The following FBN2 variants were observed in gnomAD, a reference collection of about 807,000 sequenced individuals.
FBN2 encodes the protein fibrillin 2, also known as fibrillin-2.
Under a neutral mutation model 355.6 loss-of-function variants are expected in FBN2, and 105 were observed. The observed-to-expected ratio is 0.30, with a 90% CI of 0.25 to 0.35. FBN2 has a LOEUF of 0.35. Ranked by LOEUF, FBN2 falls within the 10% of genes least tolerant of loss-of-function variation. The pLI is 1.00. For synonymous variants in FBN2, 1,350 were observed against 1,301.2 expected (o/e 1.04, Z -0.81); for missense variants, 3,280 against 3,758.7 (o/e 0.87, Z 3.33).
intron 60 of FBN2, among the ~76,000 whole-genome samples, chr5:128,274,271 G>C (rs528131913): frequency 2.0e-4 from 30 of 152,282 alleles, no homozygotes; most frequent in Admixed American, 5.9e-4. Flanking sequence ...CTAAATTACA[G>C]TGAGCCTTTA....
At chr5:128,360,185 C>T (rs1751604162) in intron 19 of FBN2, among the ~76,000 whole-genome samples, 1 of 152,008 alleles carries the variant, frequency 6.6e-6, no homozygotes, top group South Asian at 2.1e-4. Flanking sequence ...CTTTGAAATC[C>T]CTTCTTCCAT....
intron 7 of FBN2, among the ~76,000 whole-genome samples, chr5:128,434,819 CT>C (rs1753733688): frequency 6.6e-6 from 1 of 151,802 alleles, no homozygotes; most frequent in African/African-American, 2.4e-5. Context: ...TTTCAGATAC[CT>C]TTTTCCTCTA....
intron 48 of FBN2, among the ~76,000 whole-genome samples, chr5:128,299,451 C>G (rs1010708901): frequency 1.0e-5 from 1 of 99,678 alleles, no homozygotes; most frequent in African/African-American, 3.1e-5. Context: ...TGATCTCAGA[C>G]TGCTGTGCTA....
intron 5 of FBN2, among the ~76,000 whole-genome samples, chr5:128,466,253 G>A (rs1754707466): frequency 6.6e-6 from 1 of 152,008 alleles, no homozygotes; most frequent in Non-Finnish European, 1.5e-5. Flanking sequence ...TTACACACAG[G>A]GATTATGTCA....
At chr5:128,442,425 C>G (rs1264874032) in intron 7 of FBN2, 1 of 453,366 alleles carries the variant, frequency 2.2e-6, no homozygotes, top group Non-Finnish European at 4.4e-6. Flanking sequence ...GCTGAGCTGT[C>G]TTTTAGTGTA....
intron 11 of FBN2, among the ~76,000 whole-genome samples, chr5:128,383,382 AGAAAAC>A (rs1286983576): frequency 1.3e-5 from 2 of 152,136 alleles, no homozygotes; most frequent in Non-Finnish European, 2.9e-5. Flanking sequence ...CAAAAACTGA[AGAAAAC>A]CCTTGTGACC....
chr5:128,496,741 G>T (rs1380135555), intron 5 of FBN2, among the ~76,000 whole-genome samples: 2 of 151,764 alleles, frequency 1.3e-5, no homozygotes, highest in East Asian at 3.9e-4. Flanking sequence ...CAACACTCAC[G>T]CATTTCATGT....
chr5:128,323,931 G>A (rs1472122960), intron 34 of FBN2, among the ~76,000 whole-genome samples: 1 of 152,090 alleles, frequency 6.6e-6, no homozygotes, highest in Non-Finnish European at 1.5e-5. Flanking sequence ...GACTTATTTT[G>A]TTTGGTAGGC....
intron 36 of FBN2, among the ~76,000 whole-genome samples, chr5:128,315,445 G>T (rs556815839): frequency 3.9e-5 from 6 of 152,108 alleles, no homozygotes; most frequent in African/African-American, 7.2e-5. Context: ...ATTATTTCTG[G>T]TTCTTCTTGT....
intron 6 of FBN2, among the ~76,000 whole-genome samples, chr5:128,451,399 T>A (rs892287561): frequency 1.3e-5 from 2 of 152,160 alleles, no homozygotes; most frequent in African/African-American, 4.8e-5. Flanking sequence ...TTATTGTTAT[T>A]ATTATTTTTT....
Position 128,269,527 on chromosome 5 carries a change from C to T in FBN2, c.7960+2472G>A, listed in dbSNP as rs779657922. On this transcript the variant is annotated intron_variant, in intron 62 of 64. Transcript: ENST00000262464. ...AACTCAAGCTGATAAGCAACTTCAG[C>T]GAAGCCTCAGGATACAAAATCAATG... is the stretch of plus-strand genomic sequence containing the variant. Among the ~76,000 whole-genome samples the T allele has an allele frequency of 6.9e-4, 104 of 150,560 alleles. 1 individual carries two copies. Among genetic ancestry groups the T allele is most frequent in the South Asian group, 2.1e-4 (1 of 4,784 alleles).
intron 5 of FBN2, among the ~76,000 whole-genome samples, chr5:128,508,737 G>C (rs534542917): frequency 1.5e-3 from 230 of 151,926 alleles, no homozygotes; most frequent in African/African-American, 5.4e-3. Flanking sequence ...TTTTTCTTCA[G>C]CCTAAAGAAC....
chr5:128,531,069 G>A (rs1756688120), intron 2 of FBN2, among the ~76,000 whole-genome samples: 3 of 152,098 alleles, frequency 2.0e-5, no homozygotes, highest in South Asian at 2.1e-4. Flanking sequence ...CATGTTAATA[G>A]CAGCACAATT....
chr5:128,272,137 C>G lies in FBN2; in HGVS notation c.7841-19G>C. The G allele has an allele frequency of 6.2e-7, 1 of 1,613,736 alleles. No individual in the cohort carries two copies. The highest frequency in any genetic ancestry group is 8.5e-7 in the Non-Finnish European group (1 of 1,179,808). On this transcript the variant is annotated intron_variant, in intron 61 of 64. Transcript: ENST00000262464. ...TCAACATCTGCAAAAACAAGCCCGG[C>G]AAAACCTTTATGTCACCTTTCTTCT...
In FBN2 at chr5:128,287,292, G is replaced by A. The variant is rs753114519; in HGVS notation, c.6880+16C>T. On this transcript the variant is annotated intron_variant, in intron 54 of 64. Coordinates refer to ENST00000262464, the MANE Select transcript of FBN2 (RefSeq NM_001999.4). The stretch of plus-strand genomic sequence containing the variant: ...GACAAATAAAGTTCGAACTACTCCC[G>A]AGTCTGAGGCCTTACCTTTGCACAT... The A allele has an allele frequency of 1.7e-5, 28 of 1,613,420 alleles. No homozygotes were observed. In the African/African-American group the frequency reaches 2.7e-4, roughly 15 times the overall value.
chr5:128,287,348 C>T lies in FBN2; in HGVS notation c.6840G>A (p.Pro2280=), dbSNP rs377742525. The change falls in exon 54 of 65, where the codon CCG becomes CCA. Residue 2280 remains proline, a synonymous_variant. Coordinates refer to ENST00000262464, the MANE Select transcript of FBN2 (RefSeq NM_001999.4). The part of the protein sequence containing the change: ...NTFGSYECTC[P]IGYALREDQK... ...GATCTTCCCTGAGGGCATAGCCAAT[C>T]GGGCACGTGCATTCATAGGACCCAA... The T allele has an allele frequency of 1.1e-5, 17 of 1,613,836 alleles. No individual in the cohort carries two copies. In the African/African-American group the frequency reaches 1.3e-4, roughly 13 times the overall value.
intron 6 of FBN2, among the ~76,000 whole-genome samples, chr5:128,458,655 C>T (rs1231661504): frequency 6.6e-6 from 1 of 151,992 alleles, no homozygotes; most frequent in Non-Finnish European, 1.5e-5. Flanking sequence ...CAGTCAAAAC[C>T]AGACAATTTT....
chr5:128,356,982 T>A (rs1751517587), intron 20 of FBN2, among the ~76,000 whole-genome samples: 1 of 152,188 alleles, frequency 6.6e-6, no homozygotes. Flanking sequence ...GCCCAAGGCA[T>A]TTTTAGGGTA....
chr5:128,306,996 TTC>T, intron 42 of FBN2, 137 bp downstream of exon 42: 2 of 659,206 alleles, frequency 3.0e-6, no homozygotes, highest in Non-Finnish European at 5.4e-6. Context: ...AGCCTGTTAT[TTC>T]TCTCTTATCT....
Sources: allele counts gnomAD v4.1 joint callset (sites outside exome capture counted in the v4.1 genomes callset), GRCh38; gene constraint gnomAD v4.1.1; transcripts MANE v1.5; gene names NCBI Gene and HGNC (gene_info 2026-07-23, HGNC 2026-07-21).